Variants in CCDC88B observed in about 807,000 individuals in gnomAD.
CCDC88B encodes coiled-coil and HOOK domain protein 88B.
A neutral mutation model predicts 183.7 loss-of-function variants in CCDC88B; 138 were observed. That is an observed-to-expected ratio of 0.75 (90% CI 0.65 to 0.87). The LOEUF (loss-of-function observed/expected upper bound fraction) is 0.87, where lower values mean the gene tolerates loss of function less well. Among genes scored for constraint, CCDC88B ranks in the 40% least tolerant of loss-of-function variants. CCDC88B has a pLI of 0.00. For synonymous variants in CCDC88B, 835 were observed against 867.5 expected, an observed-to-expected ratio of 0.96 and a Z score of 0.66; for missense variants, 1,822 against 1,965.6, an observed-to-expected ratio of 0.93 and a Z score of 1.38.
chr11:64,353,467 C>A lies in CCDC88B; in HGVS notation c.3804C>A (p.Asp1268Glu). The change falls in exon 22 of 27, where the codon GAC (aspartate) becomes GAA (glutamate). Residue 1268 changes from aspartate to glutamate, a missense_variant. Transcript: ENST00000356786. ...TGGAGCGCAGCCTGGAGAGTCGGGA[C>A]CACCTGCACCGCGAACAGCGGGAGT... ...ELLERSLESR[D>E]HLHREQREYL... The A allele has an allele frequency of 6.2e-7, 1 of 1,612,340 alleles. No individual in the cohort carries two copies. Among genetic ancestry groups the A allele is most frequent in the Non-Finnish European group, 8.5e-7 (1 of 1,179,898 alleles).
chr11:64,347,839 T>A (rs1201735239), intron 14 of CCDC88B, among the ~76,000 whole-genome samples: 1 of 151,520 alleles, frequency 6.6e-6, no homozygotes, highest in Non-Finnish European at 1.5e-5. Context: ...TGACCGGAGG[T>A]CAGGAGTTCG....
In CCDC88B at chr11:64,351,254, G is replaced by T; in HGVS notation, c.2957G>T (p.Ser986Ile). 1 of 1,521,144 alleles carries T rather than the reference G, an allele frequency of 6.6e-7. No homozygotes were observed. The highest frequency in any genetic ancestry group is 1.4e-5 in the African/African-American group (1 of 71,966). 94.2% of individuals were successfully genotyped at this position (1,521,144 alleles called of 1,614,324 possible). A position where few individuals can be genotyped will look rare whatever the true frequency, so the allele number is the denominator to read the frequency against. ...QNVRLIEVERSNAMLVAEKAA... is the reference protein window; with the variant it reads ...QNVRLIEVERINAMLVAEKAA... The stretch of plus-strand genomic sequence containing the variant: ...GTGCGGCTTATTGAGGTGGAGCGCA[G>T]TGTGAGTGTGGGCCCACAGTGGGCC... Residue 986 changes from serine to isoleucine, a missense_variant and splice_region_variant, in exon 17 of 27, where the codon AGT becomes ATT. Ser to Ile is a moderately radical substitution (Grantham distance 142). Coordinates refer to ENST00000356786, the MANE Select transcript of CCDC88B (RefSeq NM_032251.6).
Position 64,352,727 on chromosome 11 carries a change from C to A in CCDC88B, c.3357-17C>A. The A allele has an allele frequency of 6.2e-7, 1 of 1,613,294 alleles. No individual in the cohort carries two copies. Among genetic ancestry groups the A allele is most frequent in the Non-Finnish European group, 8.5e-7 (1 of 1,180,008 alleles). Reference sequence around the variant, plus strand: ...CCATAGGTTCACACAGCCCTCTTAGCCCCTTGTCCATCCCAGGCACGAGCA... The same window carrying A: ...CCATAGGTTCACACAGCCCTCTTAGACCCTTGTCCATCCCAGGCACGAGCA... On this transcript the variant is annotated splice_polypyrimidine_tract_variant and intron_variant, in intron 19 of 26. Coordinates refer to ENST00000356786, the MANE Select transcript of CCDC88B (RefSeq NM_032251.6).
Position 64,344,183 on chromosome 11 carries a change from C to G in CCDC88B, c.1642C>G (p.Pro548Ala). Residue 548 changes from proline to alanine, a missense_variant, in exon 14 of 27, where the codon CCC becomes GCC. Physicochemically the swap from Pro to Ala is conservative, Grantham distance 27. Transcript: ENST00000356786. The surrounding 1 kb of genome is among the most constrained non-coding windows in gnomAD (Gnocchi z 4.5). ...AGTGCTCGAGGCATCAGCTGAGTGT[C>G]CCCAGGCACCTGATTCAGACCCACA... ...DSVLEASAEC[P>A]QAPDSDPQEA... The G allele has an allele frequency of 6.2e-7, 1 of 1,612,212 alleles. No individual in the cohort carries two copies. The highest frequency in any genetic ancestry group is 8.5e-7 in the Non-Finnish European group (1 of 1,179,328).
intron 14 of CCDC88B, among the ~76,000 whole-genome samples, chr11:64,347,468 C>T (rs2036157120): frequency 6.6e-6 from 1 of 152,120 alleles, no homozygotes; most frequent in African/African-American, 2.4e-5. Context: ...CCCTGAAATT[C>T]AGGGAGGAAG....
chr11:64,341,078 C>G (rs768913677), intron 3 of CCDC88B, 31 bp from the exon 4 acceptor site: 2 of 1,613,860 alleles, frequency 1.2e-6, no homozygotes, highest in East Asian at 4.5e-5. Context: ...TTCGGGAAGG[C>G]GCCTCATATA....
chr11:64,348,363 G>A (rs1356635773), intron 14 of CCDC88B, among the ~76,000 whole-genome samples: 1 of 148,846 alleles, frequency 6.7e-6, no homozygotes, highest in Non-Finnish European at 1.5e-5. Context: ...GGGTGGGGAA[G>A]CCTCCCAGGC....
chr11:64,357,515 G>C lies in CCDC88B; in HGVS notation c.*421G>C. On this transcript the variant is annotated 3_prime_UTR_variant, in exon 27 of 27. Transcript: ENST00000356786. ...TGGACATGAGGGGCATGAGAATAAA[G>C]CTGAACTGCAGCCTCCTGAGTCTTG... 1.4e-6 allele frequency: 1 copy of C among 690,038 alleles called. No individual in the cohort carries two copies. 42.7% of individuals were successfully genotyped at this position (690,038 alleles called of 1,614,324 possible). A position where few individuals can be genotyped will look rare whatever the true frequency, so the allele number is the denominator to read the frequency against.
rs994261991 is a variant in CCDC88B, at chr11:64,343,515, C to G, written c.1218C>G (p.Asp406Glu). ...TRLGEAHAEL[D>E]SLRHQVDQLA... ...CCTTCCCTCACCCCCAGGAGCTGGA[C>G]TCTCTGCGGCATCAGGTGGACCAGC... is the stretch of plus-strand genomic sequence containing the variant. Residue 406 changes from aspartate to glutamate, a missense_variant, in exon 12 of 27, where the codon GAC (aspartate) becomes GAG (glutamate). Asp to Glu is a conservative substitution (Grantham distance 45, BLOSUM62 2). Transcript: ENST00000356786. 9.0e-6 allele frequency: 14 copies of G among 1,551,610 alleles called. No homozygotes were observed. Among genetic ancestry groups the G allele is most frequent in the African/African-American group, 1.4e-5 (1 of 73,012 alleles).
At chr11:64,355,480 TTC>T (rs2036519778) in intron 25 of CCDC88B, 78 bp from the exon 26 acceptor site, 1 of 1,590,056 alleles carries the variant, frequency 6.3e-7, no homozygotes, top group Non-Finnish European at 8.6e-7. Context: ...GGAGGCTTCC[TTC>T]TTGTCCCCTG....
intron 26 of CCDC88B, chr11:64,356,310 ATAG>A: frequency 6.6e-6 from 1 of 152,116 alleles, no homozygotes; most frequent in Non-Finnish European, 1.5e-5. Context: ...GATTTTTTTC[ATAG>A]TAAGTCTTTG....
At chr11:64,355,727 A>G in intron 26 of CCDC88B, 99 bp downstream of exon 26, 1 of 1,191,552 alleles carries the variant, frequency 8.4e-7, no homozygotes, top group Non-Finnish European at 1.2e-6. Flanking sequence ...ATGATCCTTT[A>G]CCAAGTGCCA....
At chr11:64,355,677 C>A in intron 26 of CCDC88B, 49 bp downstream of exon 26, 1 of 1,504,950 alleles carries the variant, frequency 6.6e-7, no homozygotes, top group Non-Finnish European at 9.0e-7. Flanking sequence ...CTGCCTGGGG[C>A]CCCTGGCAGA....
chr11:64,355,171 C>T, intron 24 of CCDC88B, 23 bp from the exon 25 acceptor site: 1 of 1,417,252 alleles, frequency 7.1e-7, no homozygotes, highest in Non-Finnish European at 9.2e-7. Flanking sequence ...CTCTCACCCC[C>T]TCCCTGCATG....
In CCDC88B at chr11:64,344,204, C is replaced by A. The variant is rs1324369892; in HGVS notation, c.1663C>A (p.Pro555Thr). 8.1e-6 allele frequency: 13 copies of A among 1,611,518 alleles called. No homozygotes were observed. The East Asian group carries it at 2.9e-4, about 36-fold the overall frequency. The change falls in exon 14 of 27, where the codon CCA becomes ACA. Residue 555 changes from proline to threonine, a missense_variant. Physicochemically the swap from Pro to Thr is conservative, Grantham distance 38. Transcript: ENST00000356786. This position sits in a 1 kb window ranked among gnomAD's most constrained non-coding sequence, Gnocchi z 4.5. ...AECPQAPDSD[P>T]QEAESPLQAA... ...GTGTCCCCAGGCACCTGATTCAGACCCACAGGAGGCAGAGAGTCCCCTTCA... is the reference window on the plus strand; with the variant it reads ...GTGTCCCCAGGCACCTGATTCAGACACACAGGAGGCAGAGAGTCCCCTTCA...
rs2036235570 is a variant in CCDC88B at position 64,349,349 on chromosome 11, G to A, written c.2635G>A (p.Val879Met). Residue 879 changes from valine (V) to methionine (M), a missense_variant, in exon 15 of 27, where the codon GTG (valine) becomes ATG (methionine). Val to Met is a conservative substitution (Grantham distance 21). Transcript: ENST00000356786. Reference protein sequence around the residue: ...ALQAELEKAVVRGKELGDRLE... With the variant: ...ALQAELEKAVMRGKELGDRLE... ...CCCTCAGGAGCTGGAGAAAGCTGTGGTGCGGGGCAAGGAGTTGGGGGACCG... is the reference window on the plus strand; with the variant it reads ...CCCTCAGGAGCTGGAGAAAGCTGTGATGCGGGGCAAGGAGTTGGGGGACCG... 1 of 1,611,060 alleles carries A rather than the reference G, an allele frequency of 6.2e-7. No individual in the cohort carries two copies. The highest frequency in any genetic ancestry group is 1.3e-5 in the African/African-American group (1 of 74,892).
Position 64,341,275 on chromosome 11 carries a change from G to A in CCDC88B, c.394G>A (p.Ala132Thr), listed in dbSNP as rs766236393. 7 of 1,614,014 alleles carry A rather than the reference G, an allele frequency of 4.3e-6. No individual in the cohort carries two copies. Among genetic ancestry groups the A allele is most frequent in the Non-Finnish European group, 5.9e-6 (7 of 1,180,030 alleles). ...TTGTGGCATGTGCCTTGCAGAAGAA[G>A]CGGTGGAGCAGCTGGAAGGCGTTCT... Reference protein sequence around the residue: ...TLGFDPLSEEAVEQLEGVLRL... With the variant: ...TLGFDPLSEETVEQLEGVLRL... Residue 132 changes from alanine (A) to threonine (T), a missense_variant, in exon 5 of 27, where the codon GCG becomes ACG. Ala to Thr is a moderately conservative substitution (Grantham distance 58). Coordinates refer to ENST00000356786, the MANE Select transcript of CCDC88B (RefSeq NM_032251.6).
Position 64,343,889 on chromosome 11 carries a change from T to A in CCDC88B, c.1430T>A (p.Val477Glu). 1 of 1,605,102 alleles carries A rather than the reference T, an allele frequency of 6.2e-7. No individual in the cohort carries two copies. The highest frequency in any genetic ancestry group is 8.5e-7 in the Non-Finnish European group (1 of 1,176,098). The part of the protein sequence containing the change: ...ENRELRGLLQ[V>E]LQGQPGGQHP... ...CGGGAGCTTCGGGGGCTGCTTCAGGTGCTTCAGGGGCAGCCAGGGGGCCAG... is the reference window on the plus strand; with the variant it reads ...CGGGAGCTTCGGGGGCTGCTTCAGGAGCTTCAGGGGCAGCCAGGGGGCCAG... Residue 477 changes from valine (V) to glutamate (E), a missense_variant, in exon 13 of 27, where the codon GTG (valine) becomes GAG (glutamate). Physicochemically the swap from Val to Glu is moderately radical, Grantham distance 121. Transcript: ENST00000356786.
intron 18 of CCDC88B, 131 bp from the exon 19 acceptor site, chr11:64,351,984 TGCCTGCTGTGCCCCC>T (rs2036350757): frequency 1.1e-5 from 13 of 1,186,884 alleles, no homozygotes; most frequent in Non-Finnish European, 1.5e-5. Flanking sequence ...GGGCTTGTAC[TGCCTGCTGTGCCCCC>T]AGCCCTTTGC....
Sources: gnomAD v4.1 joint callset for allele counts (sites outside exome capture counted in the v4.1 genomes callset) on GRCh38, gnomAD v4.1.1 for gene constraint, Gnocchi (gnomAD v3.1) non-coding constraint, MANE v1.5 for transcripts, NCBI Gene and HGNC (gene_info 2026-07-23, HGNC 2026-07-21) for gene names.